The following ACSL5 variants were observed in gnomAD, a reference collection of about 807,000 sequenced individuals.
ACSL5 encodes acyl-CoA synthetase long chain family member 5, also known as long-chain-fatty-acid--CoA ligase 5.
ACSL5 carries 50 observed loss-of-function variants against 84.9 expected under a neutral mutation model. The observed-to-expected ratio is 0.59, with a 90% CI of 0.47 to 0.75. The LOEUF is 0.75. Ranked by LOEUF, ACSL5 falls within the 30% of genes least tolerant of loss-of-function variation. The pLI is 0.00. For synonymous variants in ACSL5, 280 were observed against 300.7 expected (o/e 0.93, Z 0.71); for missense variants, 775 against 830.4 (o/e 0.93, Z 0.82).
intron 2 of ACSL5, among the ~76,000 whole-genome samples, chr10:112,396,886 G>A (rs745679507): frequency 1.1e-4 from 17 of 152,148 alleles, no homozygotes; most frequent in African/African-American, 3.9e-4. Context: ...CTGTCTTAAC[G>A]TGATGGCCCA....
intron 1 of ACSL5, among the ~76,000 whole-genome samples, chr10:112,386,211 T>TTTTTTTTTG (rs1430170059): frequency 1.2e-5 from 1 of 82,106 alleles, no homozygotes; most frequent in African/African-American, 4.4e-5. Flanking sequence ...TTTTTTTTTT[T>TTTTTTTTTG]GAGGCAGAGT....
chr10:112,421,469 G>GT, intron 14 of ACSL5, 124 bp from the exon 15 acceptor site: 1 of 819,046 alleles, frequency 1.2e-6, no homozygotes, highest in East Asian at 2.6e-5. Context: ...CAAGTTCAAG[G>GT]TTTTAAGACA....
rs377732977 is a variant in ACSL5, at chr10:112,417,201, TA to T, written c.1218+195del. Among the ~76,000 whole-genome samples the T allele has an allele frequency of 6.3e-4, 76 of 120,050 alleles. No individual in the cohort carries two copies. In the South Asian group the frequency reaches 7.2e-3, roughly 11 times the overall value. 78.8% of individuals were successfully genotyped at this position (120,050 alleles called of 152,430 possible). On this transcript the variant is annotated intron_variant, in intron 13 of 20. Transcript: ENST00000354655. Reference sequence around the variant, plus strand: ...ACTTTACTACTAAAGGGAGTAGGTTTAAAAAAAAAAAAAAAAGCAGGCTGAG... The same window carrying T: ...ACTTTACTACTAAAGGGAGTAGGTTTAAAAAAAAAAAAAAAGCAGGCTGAG...
chr10:112,425,919 C>T (rs567789786), intron 18 of ACSL5, among the ~76,000 whole-genome samples: 117 of 152,246 alleles, frequency 7.7e-4, no homozygotes, highest in African/African-American at 2.7e-3. Context: ...TAAGGAACTC[C>T]TTATCCCAAA....
At chr10:112,411,765 A>C in intron 10 of ACSL5, 137 bp from the exon 11 acceptor site, 1 of 689,836 alleles carries the variant, frequency 1.4e-6, no homozygotes, top group Admixed American at 2.8e-5. Flanking sequence ...AGTTCAAGGC[A>C]TCTCAGATCT....
At chr10:112,401,832 CTTT>C (rs1843911655) in intron 3 of ACSL5, among the ~76,000 whole-genome samples, 4 of 95,810 alleles carry the variant, frequency 4.2e-5, no homozygotes, top group Non-Finnish European at 6.9e-5. Context: ...TTCTTTCTTT[CTTT>C]CTTTCTTCCT....
chr10:112,410,317 G>T, intron 7 of ACSL5, 146 bp from the exon 8 acceptor site: 4 of 1,550,004 alleles, frequency 2.6e-6, no homozygotes, highest in Non-Finnish European at 1.7e-6. Context: ...GTTCCTGAAT[G>T]TTGGCTTCTG....
chr10:112,394,258 A>G (rs1843700041), intron 1 of ACSL5, among the ~76,000 whole-genome samples: 1 of 152,206 alleles, frequency 6.6e-6, no homozygotes, highest in African/African-American at 2.4e-5. Flanking sequence ...TACCTGACTG[A>G]CAGTTTGCCT....
intron 1 of ACSL5, among the ~76,000 whole-genome samples, chr10:112,377,217 G>A (rs1013121551): frequency 6.6e-6 from 1 of 152,154 alleles, no homozygotes; most frequent in Admixed American, 6.5e-5. Flanking sequence ...TAGGTGATTA[G>A]TATTCTATAT....
At chr10:112,422,576 C>T in intron 17 of ACSL5, 135 bp downstream of exon 17, 3 of 770,702 alleles carry the variant, frequency 3.9e-6, no homozygotes, top group Non-Finnish European at 6.4e-6. Context: ...TTGTACCCTA[C>T]CTGGCTTATG....
At chr10:112,374,613 G>A (rs1228805433) in intron 1 of ACSL5, among the ~76,000 whole-genome samples, 1 of 152,172 alleles carries the variant, frequency 6.6e-6, no homozygotes, top group Non-Finnish European at 1.5e-5. Flanking sequence ...GTAGTTAGAA[G>A]GATCGTGCGT....
At position 112,404,707 on chromosome 10, in the gene ACSL5, G is replaced by A; in HGVS notation, c.333G>A (p.Val111=). 6.2e-7 allele frequency: 1 copy of A among 1,613,306 alleles called. No individual in the cohort carries two copies. Among genetic ancestry groups the A allele is most frequent in the Non-Finnish European group, 8.5e-7 (1 of 1,179,596 alleles). ...CACCCCATCTCTCTTTTTTGTAGGT[G>A]TCTGATAGAGCAGAGTACCTGGGTT... The part of the protein sequence containing the change: ...QPYRWLSYKQ[V]SDRAEYLGSC... Residue 111 remains valine, a splice_region_variant and synonymous_variant, in exon 5 of 21, where the codon GTG becomes GTA. Transcript: ENST00000354655.
chr10:112,395,198 G>A, intron 2 of ACSL5, 96 bp downstream of exon 2: 1 of 1,214,790 alleles, frequency 8.2e-7, no homozygotes, highest in Non-Finnish European at 1.1e-6. Context: ...ATTGGGTGCA[G>A]CATGGGAAAG....
intron 1 of ACSL5, among the ~76,000 whole-genome samples, chr10:112,387,852 T>C (rs190779650): frequency 6.7e-4 from 102 of 152,212 alleles, no homozygotes; most frequent in Non-Finnish European, 8.1e-4. Flanking sequence ...AAGCTTATAA[T>C]TGCAATTTAT....
In ACSL5 at chr10:112,425,335, T is replaced by C. The variant is rs887003024; in HGVS notation, c.1594-3T>C. The C allele has an allele frequency of 6.2e-7, 1 of 1,609,906 alleles. No individual in the cohort carries two copies. The highest frequency in any genetic ancestry group is 8.5e-7 in the Non-Finnish European group (1 of 1,178,202). On this transcript the variant is annotated splice_region_variant and splice_polypyrimidine_tract_variant and intron_variant, in intron 17 of 20. Coordinates refer to ENST00000354655, the MANE Select transcript of ACSL5 (RefSeq NM_203379.2). ...TACTGATACTTTTATCTGTCTCATGTAGAATGGAACTCTGAAGATCATCGA... is the reference window on the plus strand; with the variant it reads ...TACTGATACTTTTATCTGTCTCATGCAGAATGGAACTCTGAAGATCATCGA...
chr10:112,409,346 A>G (rs1327817747), intron 6 of ACSL5, 161 bp from the exon 7 acceptor site: 6 of 605,630 alleles, frequency 9.9e-6, no homozygotes, highest in Non-Finnish European at 1.7e-5. Flanking sequence ...TTTATCATCA[A>G]TGGAATGTTT....
chr10:112,404,429 C>A, intron 3 of ACSL5, 82 bp from the exon 4 acceptor site: 2 of 1,029,412 alleles, frequency 1.9e-6, no homozygotes, highest in Non-Finnish European at 3.0e-6. Flanking sequence ...TTGTGTCTTG[C>A]CCCTTCTTAA....
rs779634727 is a variant in ACSL5 at position 112,413,242 on chromosome 10, A to T, written c.1018A>T (p.Met340Leu). Residue 340 changes from methionine (M) to leucine (L), a missense_variant, in exon 12 of 21, where the codon ATG becomes TTG. Transcript: ENST00000354655. ...GGATATTCGGTTGCTGGCTGACGAC[A>T]TGAAGACTTTGAAGCCCACATTGTT... is the stretch of plus-strand genomic sequence containing the variant. ...QGDIRLLADD[M>L]KTLKPTLFPA... 3.1e-6 allele frequency: 5 copies of T among 1,614,088 alleles called. No individual in the cohort carries two copies. Among genetic ancestry groups the T allele is most frequent in the Non-Finnish European group, 4.2e-6 (5 of 1,180,030 alleles).
intron 1 of ACSL5, among the ~76,000 whole-genome samples, chr10:112,379,094 C>G (rs1849298574): frequency 1.3e-5 from 2 of 152,104 alleles, no homozygotes; most frequent in African/African-American, 4.8e-5. Context: ...ACTAGAAGTG[C>G]TCTGTTTAAA....
Sources: allele counts gnomAD v4.1 joint callset (sites outside exome capture counted in the v4.1 genomes callset), GRCh38; gene constraint gnomAD v4.1.1; transcripts MANE v1.5; gene names NCBI Gene and HGNC (gene_info 2026-07-23, HGNC 2026-07-21).